The following DPF3 variants were observed in gnomAD, a reference collection of about 807,000 sequenced individuals.
DPF3 encodes the protein double PHD fingers 3.
DPF3 carries 18 observed loss-of-function variants against 56.8 expected under a neutral mutation model. The observed-to-expected ratio is 0.32, with a 90% CI of 0.22 to 0.47. The LOEUF (loss-of-function observed/expected upper bound fraction) is 0.47, where lower values mean the gene tolerates loss of function less well. DPF3 is among the 20% of genes least tolerant of loss of function. The pLI is 1.00. For synonymous variants in DPF3, 188 were observed against 180.2 expected, an observed-to-expected ratio of 1.04 and a Z score of -0.35; for missense variants, 403 against 488.8, an observed-to-expected ratio of 0.82 and a Z score of 1.65.
At position 72,662,782 on chromosome 14, in the gene DPF3, T is replaced by G. The variant is rs1234168138; in HGVS notation, c.871+11458A>C. 3.0e-6 allele frequency: 3 copies of G among 988,438 alleles called. No homozygotes were observed. In the Admixed American group the frequency reaches 1.8e-4, roughly 59 times the overall value. The allele number at this position is 988,438 out of a possible 1,614,324, so 61.2% of individuals were successfully genotyped here. On this transcript the variant is annotated intron_variant, in intron 8 of 10. Transcript: ENST00000556509. ...ATCATCCTGGCTTCTTTTCACCTTCTTCGGAAATGGCTTGCTTGAAGGATG... is the reference window on the plus strand; with the variant it reads ...ATCATCCTGGCTTCTTTTCACCTTCGTCGGAAATGGCTTGCTTGAAGGATG...
At chr14:72,737,195 A>C (rs34854417) in intron 3 of DPF3, among the ~76,000 whole-genome samples, 32,673 of 146,456 alleles carry the variant, frequency 0.22, 4,029 homozygotes, top group Middle Eastern at 0.33. Context: ...AAAAGCAAAA[A>C]AACAAACAAA....
chr14:72,796,852 T>C (rs534265863), intron 1 of DPF3, among the ~76,000 whole-genome samples: 69 of 152,190 alleles, frequency 4.5e-4, no homozygotes, highest in African/African-American at 1.5e-3. Context: ...TTTATAAAGA[T>C]GGACCCCAAG....
chr14:72,675,034 C>A (rs1259576301), intron 7 of DPF3, among the ~76,000 whole-genome samples: 1 of 152,204 alleles, frequency 6.6e-6, no homozygotes, highest in East Asian at 1.9e-4. Context: ...TAGACCCAGG[C>A]TTCTAGGCAC....
chr14:72,887,186 C>A (rs1185344108), intron 1 of DPF3, among the ~76,000 whole-genome samples: 1 of 139,498 alleles, frequency 7.2e-6, no homozygotes, highest in African/African-American at 2.6e-5. Context: ...CACACACACA[C>A]ACACACACAC....
At chr14:72,691,392 T>C (rs116015353) in intron 7 of DPF3, among the ~76,000 whole-genome samples, 507 of 152,258 alleles carry the variant, frequency 3.3e-3, no homozygotes, top group Middle Eastern at 0.014. Context: ...AATGGGCTTG[T>C]CAGGATAGAC....
At chr14:72,769,536 T>C (rs4903055) in intron 2 of DPF3, among the ~76,000 whole-genome samples, 34,723 of 151,744 alleles carry the variant, frequency 0.23, 4,294 homozygotes, top group Middle Eastern at 0.31. Context: ...AAAAATTAGC[T>C]GGGTGTGGTG....
chr14:72,741,530 C>T, intron 3 of DPF3, among the ~76,000 whole-genome samples: 1 of 152,244 alleles, frequency 6.6e-6, no homozygotes. Context: ...CTGGGAACCA[C>T]AAGGGAAGCC....
intron 1 of DPF3, among the ~76,000 whole-genome samples, chr14:72,850,424 T>A (rs1884934366): frequency 6.6e-6 from 1 of 152,174 alleles, no homozygotes. Context: ...ATTTTGCCGA[T>A]GAGCAAACTG....
intron 1 of DPF3, among the ~76,000 whole-genome samples, chr14:72,837,866 C>T (rs140285972): frequency 1.7e-4 from 26 of 152,362 alleles, no homozygotes; most frequent in African/African-American, 6.3e-4. Context: ...TCGTCTGCGG[C>T]CTTCATGAAG....
At chr14:72,884,940 C>CTATATATATATATATATATATATA (rs773450437) in intron 1 of DPF3, among the ~76,000 whole-genome samples, 329 of 29,520 alleles carry the variant, frequency 0.011, 29 homozygotes, top group East Asian at 0.021. Flanking sequence ...ACTAAAAATA[C>CTATATATATATATATATATATATA]TATATATATA....
chr14:72,846,328 C>CTTT (rs10563066), intron 1 of DPF3, among the ~76,000 whole-genome samples: 314 of 62,460 alleles, frequency 5.0e-3, no homozygotes, highest in Non-Finnish European at 6.0e-3. Context: ...CCAGGCTAGT[C>CTTT]TTTTTTTTTT....
chr14:72,621,978 G>C (rs1417403047), intron 9 of DPF3, among the ~76,000 whole-genome samples: 1 of 152,204 alleles, frequency 6.6e-6, no homozygotes, highest in Non-Finnish European at 1.5e-5. Context: ...AAGAGAGCAG[G>C]AGAGAAGTCT....
intron 4 of DPF3, 73 bp downstream of exon 4, chr14:72,731,734 G>C (rs1295394151): frequency 1.3e-6 from 2 of 1,588,794 alleles, no homozygotes; most frequent in African/African-American, 1.3e-5. Flanking sequence ...CTGGAGCCAA[G>C]CCGGTGCTGG....
intron 1 of DPF3, among the ~76,000 whole-genome samples, chr14:72,862,288 C>G (rs77087798): frequency 6.6e-6 from 1 of 152,148 alleles, no homozygotes; most frequent in Non-Finnish European, 1.5e-5. Context: ...GCCTTCCAGA[C>G]GAAGTGGAGC....
chr14:72,745,616 T>C (rs1405083206), intron 3 of DPF3, among the ~76,000 whole-genome samples: 2 of 152,122 alleles, frequency 1.3e-5, no homozygotes, highest in African/African-American at 2.4e-5. Context: ...TCCGTTGCAA[T>C]GTGTAAAAAA....
At chr14:72,886,211 A>G (rs769527862) in intron 1 of DPF3, among the ~76,000 whole-genome samples, 4 of 152,192 alleles carry the variant, frequency 2.6e-5, no homozygotes, top group Admixed American at 1.3e-4. Flanking sequence ...GTCTCTACTA[A>G]AAATACAAAA....
intron 3 of DPF3, among the ~76,000 whole-genome samples, chr14:72,749,157 G>C (rs1890449931): frequency 1.3e-5 from 2 of 152,370 alleles, no homozygotes; most frequent in African/African-American, 2.4e-5. Context: ...ACTCTGCAAA[G>C]CCACAGGGGT....
At chr14:72,804,462 C>T (rs1043456770) in intron 1 of DPF3, among the ~76,000 whole-genome samples, 5 of 152,206 alleles carry the variant, frequency 3.3e-5, no homozygotes, top group African/African-American at 1.2e-4. Flanking sequence ...AAATCTCTAA[C>T]GCAGATAAAG....
rs985050991 is a variant in DPF3 at position 72,879,714 on chromosome 14, G to A, written c.32+14343C>T. The A allele has an allele frequency of 3.5e-6, 5 of 1,423,064 alleles. No individual in the cohort carries two copies. The Admixed American group carries it at 1.0e-4, about 29-fold the overall frequency. The allele number at this position is 1,423,064 out of a possible 1,614,324, so 88.2% of individuals were successfully genotyped here. On this transcript the variant is annotated intron_variant, in intron 1 of 10. Coordinates refer to ENST00000556509, the MANE Select transcript of DPF3 (RefSeq NM_001280542.3). The stretch of plus-strand genomic sequence containing the variant: ...CAGTTTGCTCAGACACCAGGGGAAT[G>A]TGTGACAAGAGTCGTCTCTCTGGGC...
Sources: gnomAD v4.1 joint callset for allele counts (sites outside exome capture counted in the v4.1 genomes callset) on GRCh38, gnomAD v4.1.1 for gene constraint, MANE v1.5 for transcripts, NCBI Gene and HGNC (gene_info 2026-07-23, HGNC 2026-07-21) for gene names.